HS6ST3: variants seen among roughly 807,000 people sequenced by gnomAD.
HS6ST3 encodes the protein heparan sulfate 6-O-sulfotransferase 3.
HS6ST3 carries 12 observed loss-of-function variants against 36.7 expected under a neutral mutation model. The ratio of observed to expected loss-of-function variants is 0.33; its 90% CI spans 0.21 to 0.53. HS6ST3 has a LOEUF of 0.53. Among genes scored for constraint, HS6ST3 ranks in the 20% least tolerant of loss-of-function variants. The pLI is 0.95. For missense variants in HS6ST3, 584 were observed against 640.9 expected, an observed-to-expected ratio of 0.91 and a Z score of 0.96; for synonymous variants, 240 against 257.5, an observed-to-expected ratio of 0.93 and a Z score of 0.65.
chr13:96,308,740 T>G (rs2054925895), intron 1 of HS6ST3, among the ~76,000 whole-genome samples: 1 of 152,132 alleles, frequency 6.6e-6, no homozygotes, highest in South Asian at 2.1e-4. Flanking sequence ...TAAGATTAGC[T>G]TGTTCTTTTC....
At chr13:96,238,972 G>T (rs953386273) in intron 1 of HS6ST3, among the ~76,000 whole-genome samples, 1 of 152,196 alleles carries the variant, frequency 6.6e-6, no homozygotes, top group African/African-American at 2.4e-5. Flanking sequence ...TAAACAGCAA[G>T]ATTTAGACCT....
chr13:96,354,764 T>C (rs921931079), intron 1 of HS6ST3, among the ~76,000 whole-genome samples: 3 of 152,156 alleles, frequency 2.0e-5, no homozygotes, highest in Non-Finnish European at 1.5e-5. Context: ...ACTCTCAGCA[T>C]TAGTAGTTTA....
At chr13:96,560,868 C>T (rs1049304549) in intron 1 of HS6ST3, among the ~76,000 whole-genome samples, 1 of 152,144 alleles carries the variant, frequency 6.6e-6, no homozygotes, top group African/African-American at 2.4e-5. Context: ...TTACCCAACA[C>T]TGATGAAAGA....
chr13:96,549,291 T>C (rs554814720), intron 1 of HS6ST3, among the ~76,000 whole-genome samples: 2 of 152,312 alleles, frequency 1.3e-5, no homozygotes, highest in South Asian at 4.1e-4. Flanking sequence ...GCCTGTAGGA[T>C]CCATGATTTA....
intron 1 of HS6ST3, among the ~76,000 whole-genome samples, chr13:96,277,448 G>A (rs575493653): frequency 7.2e-5 from 11 of 151,990 alleles, no homozygotes; most frequent in Non-Finnish European, 1.3e-4. Flanking sequence ...GCTATATGAA[G>A]GCAGAGACAA....
intron 1 of HS6ST3, among the ~76,000 whole-genome samples, chr13:96,485,887 A>C (rs2055911682): frequency 6.6e-6 from 1 of 152,012 alleles, no homozygotes; most frequent in African/African-American, 2.4e-5. Context: ...ATTATACTTT[A>C]AGTTTTAGGG....
intron 1 of HS6ST3, among the ~76,000 whole-genome samples, chr13:96,477,891 A>T (rs1322381747): frequency 6.6e-6 from 1 of 151,922 alleles, no homozygotes; most frequent in African/African-American, 2.4e-5. Context: ...AAATAAAAAA[A>T]ATAATAATAA....
intron 1 of HS6ST3, among the ~76,000 whole-genome samples, chr13:96,251,213 C>T (rs1013345893): frequency 2.6e-5 from 4 of 152,064 alleles, no homozygotes; most frequent in South Asian, 2.1e-4. Flanking sequence ...CATCTGGTCT[C>T]GGGCTTTTCC....
At chr13:96,628,611 C>T (rs1187820972) in intron 1 of HS6ST3, among the ~76,000 whole-genome samples, 3 of 152,066 alleles carry the variant, frequency 2.0e-5, no homozygotes, top group Non-Finnish European at 4.4e-5. Context: ...TTGTCAACTT[C>T]TCCCCGTGTA....
chr13:96,546,865 G>T (rs374469365), intron 1 of HS6ST3, among the ~76,000 whole-genome samples: 2 of 152,064 alleles, frequency 1.3e-5, no homozygotes, highest in Non-Finnish European at 2.9e-5. Context: ...TTTCAGCATC[G>T]GCCTGGGACC....
At chr13:96,576,794 A>G (rs2056323065) in intron 1 of HS6ST3, among the ~76,000 whole-genome samples, 1 of 151,922 alleles carries the variant, frequency 6.6e-6, no homozygotes, top group Non-Finnish European at 1.5e-5. Flanking sequence ...AATATAAAAA[A>G]TTAGCCAGGC....
At chr13:96,369,001 A>G (rs1265589144) in intron 1 of HS6ST3, among the ~76,000 whole-genome samples, 2 of 150,872 alleles carry the variant, frequency 1.3e-5, no homozygotes, top group Non-Finnish European at 2.9e-5. Flanking sequence ...AAATTCCATC[A>G]CAATGTACTC....
At chr13:96,804,907 T>C (rs1392264568) in intron 1 of HS6ST3, among the ~76,000 whole-genome samples, 1 of 152,210 alleles carries the variant, frequency 6.6e-6, no homozygotes, top group African/African-American at 2.4e-5. Context: ...ATCTTTCTCC[T>C]TTGAAAATGA....
chr13:96,822,214 A>G (rs1280344213), intron 1 of HS6ST3, among the ~76,000 whole-genome samples: 2 of 152,234 alleles, frequency 1.3e-5, no homozygotes, highest in South Asian at 2.1e-4. Context: ...AGGCGGCTCC[A>G]GGCTTCAGGT....
At chr13:96,640,215 A>G (rs1406855256) in intron 1 of HS6ST3, among the ~76,000 whole-genome samples, 1 of 151,968 alleles carries the variant, frequency 6.6e-6, no homozygotes, top group Non-Finnish European at 1.5e-5. Flanking sequence ...TTTTCTCTGT[A>G]GCCTCACCAG....
At chr13:96,172,766 A>C (rs945617947) in intron 1 of HS6ST3, among the ~76,000 whole-genome samples, 1 of 152,210 alleles carries the variant, frequency 6.6e-6, no homozygotes, top group Non-Finnish European at 1.5e-5. Flanking sequence ...CAAATTCTTT[A>C]TCTTAACCTC....
chr13:96,405,386 A>T (rs2055472484), intron 1 of HS6ST3, among the ~76,000 whole-genome samples: 1 of 152,202 alleles, frequency 6.6e-6, no homozygotes, highest in African/African-American at 2.4e-5. Flanking sequence ...ACTGCTACAT[A>T]TGGAAATATG....
chr13:96,265,229 G>A (rs1360735888), intron 1 of HS6ST3, among the ~76,000 whole-genome samples: 2 of 151,866 alleles, frequency 1.3e-5, no homozygotes, highest in Non-Finnish European at 2.9e-5. Context: ...CAGGCTAGGT[G>A]CAGTTATGTG....
At chr13:96,827,990 A>G (rs1301010166) in intron 1 of HS6ST3, among the ~76,000 whole-genome samples, 3 of 152,300 alleles carry the variant, frequency 2.0e-5, no homozygotes, top group Non-Finnish European at 4.4e-5. Context: ...TCTGCACACA[A>G]CTTTATCATC....
Sources: allele counts gnomAD v4.1 joint callset (sites outside exome capture counted in the v4.1 genomes callset), GRCh38; gene constraint gnomAD v4.1.1; transcripts MANE v1.5; gene names NCBI Gene and HGNC (gene_info 2026-07-23, HGNC 2026-07-21).